CARNS1: variants seen among roughly 807,000 people sequenced by gnomAD.
CARNS1 encodes the protein ATP-grasp domain containing 1.
CARNS1 carries 61 observed loss-of-function variants against 74.0 expected under a neutral mutation model. That is an observed-to-expected ratio of 0.82 (90% CI 0.67 to 1.02). CARNS1 has a LOEUF of 1.02. Ranked by LOEUF, CARNS1 falls within the 50% of genes least tolerant of loss-of-function variation. The pLI, the probability that CARNS1 is intolerant of heterozygous loss-of-function variation, is 0.00. For synonymous variants in CARNS1, 568 were observed against 605.5 expected, an observed-to-expected ratio of 0.94 and a Z score of 0.91; for missense variants, 1,278 against 1,308.4, an observed-to-expected ratio of 0.98 and a Z score of 0.36.
rs757550437 is a variant in CARNS1, at chr11:67,424,195, G to A, written c.2447G>A (p.Arg816His). Residue 816 changes from arginine to histidine, a missense_variant, in exon 10 of 10, where the codon CGC (arginine) becomes CAC (histidine). This residue lies in a region of CARNS1 where 1,164 missense variants were observed against 1,156.5 expected (regional missense o/e 1.01). Transcript: ENST00000687366. ...CCTCGGCTTATCGAGATCAACCCCC[G>A]CATGGGTGGCTTCTACCTGCGTGAT... ...AGPRLIEINP[R>H]MGGFYLRDWI... is the part of the protein sequence containing the mutation. The A allele has an allele frequency of 6.8e-6, 11 of 1,613,838 alleles. No homozygotes were observed. The highest frequency in any genetic ancestry group is 1.6e-4 in the Middle Eastern group (1 of 6,062).
In CARNS1 at chr11:67,423,322, CT is replaced by C. The variant is rs1863750402; in HGVS notation, c.1627-52del. 2 of 1,559,104 alleles carry C rather than the reference CT, an allele frequency of 1.3e-6. No homozygotes were observed. Among genetic ancestry groups the C allele is most frequent in the South Asian group, 1.2e-5 (1 of 81,838 alleles). On this transcript the variant is annotated intron_variant, in intron 9 of 9. Coordinates refer to ENST00000687366, the MANE Select transcript of CARNS1 (RefSeq NM_001166222.2). The surrounding 1 kb of genome is among the most constrained non-coding windows in gnomAD (Gnocchi z 5.1). ...CCATCCTAGGCCCCATCCTATCCCC[CT>C]AGCACCCAGTACTAGCTGACCTGGA...
chr11:67,416,323 A>T (rs924974533), intron 2 of CARNS1, 121 bp downstream of exon 2: 2 of 1,501,392 alleles, frequency 1.3e-6, no homozygotes, highest in African/African-American at 2.8e-5. Flanking sequence ...GACAGCTTAG[A>T]CCCACGACCA....
In CARNS1 at chr11:67,417,530, C is replaced by T. The variant is rs543436747; in HGVS notation, c.127C>T (p.Arg43Cys). 134 of 1,421,438 alleles carry T rather than the reference C, an allele frequency of 9.4e-5. No homozygotes were observed. The highest frequency in any genetic ancestry group is 2.4e-4 in the South Asian group (16 of 67,548). 88.1% of individuals were successfully genotyped at this position (1,421,438 alleles called of 1,614,324 possible). The change falls in exon 3 of 10, where the codon CGC becomes TGC. Residue 43 changes from arginine (R) to cysteine (C), a missense_variant. Coordinates refer to ENST00000687366, the MANE Select transcript of CARNS1 (RefSeq NM_001166222.2). ...CACAGGCTGCTTCCCTGGCTCCTGG[C>T]GCCAGGACGTGGGCCTGGACTGCAA... ...PPTGCFPGSW[R>C]QDVGLDCKGS...
At chr11:67,422,487 G>A (rs1863734189) in intron 9 of CARNS1, among the ~76,000 whole-genome samples, 1 of 152,026 alleles carries the variant, frequency 6.6e-6, no homozygotes, top group African/African-American at 2.4e-5. Context: ...CGGCCTGCCT[G>A]GCTAATTTTA....
chr11:67,417,202 C>G (rs1365402485), intron 2 of CARNS1: 2 of 1,227,950 alleles, frequency 1.6e-6, no homozygotes, highest in East Asian at 6.4e-5. Flanking sequence ...GGGCACCACA[C>G]AGAACAGTTT....
intron 1 of CARNS1, among the ~76,000 whole-genome samples, 154 bp downstream of exon 1, chr11:67,415,917 C>T (rs1863534811): frequency 1.3e-5 from 2 of 151,962 alleles, no homozygotes; most frequent in South Asian, 2.1e-4. Context: ...CCAACTCCCC[C>T]CCGCGCTGGA....
chr11:67,421,166 G>A lies in CARNS1; in HGVS notation c.1573G>A (p.Gly525Ser). 6.7e-7 allele frequency: 1 copy of A among 1,496,782 alleles called. No individual in the cohort carries two copies. Among genetic ancestry groups the A allele is most frequent in the South Asian group, 1.2e-5 (1 of 80,316 alleles). 92.7% of individuals were successfully genotyped at this position (1,496,782 alleles called of 1,614,324 possible). A position where few individuals can be genotyped will look rare whatever the true frequency, so the allele number is the denominator to read the frequency against. ...EGKQLLVVGAGGVSKKFVWEA... is the reference protein window; with the variant it reads ...EGKQLLVVGASGVSKKFVWEA... Reference sequence around the variant, plus strand: ...AAAACAGCTGCTGGTGGTCGGCGCTGGCGGCGTCAGCAAGAAGTTCGTGTG... The same window carrying A: ...AAAACAGCTGCTGGTGGTCGGCGCTAGCGGCGTCAGCAAGAAGTTCGTGTG... The change falls in exon 9 of 10, where the codon GGC becomes AGC. Residue 525 changes from glycine (G) to serine (S), a missense_variant. Physicochemically the swap from Gly to Ser is moderately conservative, Grantham distance 56. Coordinates refer to ENST00000687366, the MANE Select transcript of CARNS1 (RefSeq NM_001166222.2).
intron 2 of CARNS1, 97 bp from the exon 3 acceptor site, chr11:67,417,310 T>C (rs1045999280): frequency 2.4e-6 from 3 of 1,263,610 alleles, no homozygotes; most frequent in South Asian, 2.9e-5. Context: ...GCCCTGAACA[T>C]AGCCCAGGCT....
At position 67,420,740 on chromosome 11, in the gene CARNS1, C is replaced by G; in HGVS notation, c.1245C>G (p.Val415=). ...AGGTGGCGGCTGTGCGGCAGCGCGT[C>G]AAGGCGGCGGCCGAGGCCGCGCTGG... is the stretch of plus-strand genomic sequence containing the variant. ...EAQVAAVRQR[V]KAAAEAALAA... The change falls in exon 8 of 10, where the codon GTC becomes GTG. Residue 415 remains valine (V), a synonymous_variant. Transcript: ENST00000687366. 8.0e-7 allele frequency: 1 copy of G among 1,253,804 alleles called. No individual in the cohort carries two copies. The highest frequency in any genetic ancestry group is 1.0e-6 in the Non-Finnish European group (1 of 1,003,010). 77.7% of individuals were successfully genotyped at this position (1,253,804 alleles called of 1,614,324 possible).
intron 1 of CARNS1, 197 bp from the exon 2 acceptor site, chr11:67,415,979 T>A: frequency 3.6e-6 from 2 of 551,848 alleles, no homozygotes; most frequent in Admixed American, 2.8e-5. Flanking sequence ...TGAGCCGCAC[T>A]GGGGCAGGAG....
Position 67,419,606 on chromosome 11 carries a change from G to T in CARNS1, c.972G>T (p.Glu324Asp). 1 of 1,604,086 alleles carries T rather than the reference G, an allele frequency of 6.2e-7. No homozygotes were observed. The highest frequency in any genetic ancestry group is 1.1e-5 in the South Asian group (1 of 89,514). Residue 324 changes from glutamate to aspartate, a missense_variant, in exon 6 of 10, where the codon GAG becomes GAT. Physicochemically the swap from Glu to Asp is conservative, Grantham distance 45. Transcript: ENST00000687366. ...TGGCGCTGCTGGAGAAGCTGGAGGA[G>T]GAGGAGAGTGTCCTGGTGGAGGCTG... The part of the protein sequence containing the change: ...TVLALLEKLE[E>D]EESVLVEAVY...
rs772319838 is a variant in CARNS1, at chr11:67,419,675, G to T, written c.1027+14G>T. On this transcript the variant is annotated intron_variant, in intron 6 of 9. Transcript: ENST00000687366. ...TGCCCTGCTCAGGTGAGAGCCACCT[G>T]GGCTGACCAGGGATGGGAGTTTGGT... is the stretch of plus-strand genomic sequence containing the variant. 1 of 1,588,652 alleles carries T rather than the reference G, an allele frequency of 6.3e-7. No individual in the cohort carries two copies.
At position 67,416,227 on chromosome 11, in the gene CARNS1, C is replaced by A. The variant is rs531335277; in HGVS notation, c.3+25C>A. The A allele has an allele frequency of 1.2e-4, 187 of 1,537,104 alleles. 1 individual carries two copies. Among genetic ancestry groups the A allele is most frequent in the East Asian group, 7.8e-4 (32 of 40,908 alleles). On this transcript the variant is annotated intron_variant, in intron 2 of 9. Coordinates refer to ENST00000687366, the MANE Select transcript of CARNS1 (RefSeq NM_001166222.2). ...GGTGAGTCTTCTGTGGTCCCTCCCC[C>A]ACAAGGCCCAAGTCCCTGGGCAGAG... is the stretch of plus-strand genomic sequence containing the variant.
chr11:67,416,569 G>GC (rs1863548701), intron 2 of CARNS1: 1 of 1,081,466 alleles, frequency 9.2e-7, no homozygotes, highest in African/African-American at 1.7e-5. Context: ...AGCCTCATCA[G>GC]CCCCCAGGGG....
rs1255912959 is a variant in CARNS1 at position 67,424,569 on chromosome 11, C to A, written c.2821C>A (p.Pro941Thr). 6.2e-7 allele frequency: 1 copy of A among 1,607,206 alleles called. No homozygotes were observed. Among genetic ancestry groups the A allele is most frequent in the South Asian group, 1.1e-5 (1 of 90,228 alleles). ...CCTGGGCATCGATGGGCCCAGCTAC[C>A]CTGTTGCCCACTTCCTGTCTCACTT... ...QGLGIDGPSYPVAHFLSHFK is the reference protein window; with the variant it reads ...QGLGIDGPSYTVAHFLSHFK The change falls in exon 10 of 10, where the codon CCT becomes ACT. Residue 941 changes from proline to threonine, a missense_variant. Around this residue, in one of 3 missense-constraint regions of CARNS1, gnomAD observed 1,164 missense variants for 1,156.5 expected, o/e 1.01. Transcript: ENST00000687366.
At chr11:67,417,254 G>GCCCCCAA (rs1863565534) in intron 2 of CARNS1, 153 bp from the exon 3 acceptor site, 4 of 1,236,290 alleles carry the variant, frequency 3.2e-6, no homozygotes, top group Non-Finnish European at 3.0e-6. Flanking sequence ...ACAAGCCTTC[G>GCCCCCAA]CCCCCAACAC....
intron 8 of CARNS1, 31 bp downstream of exon 8, chr11:67,420,871 G>A (rs1863677465): frequency 4.7e-6 from 6 of 1,287,374 alleles, no homozygotes; most frequent in Non-Finnish European, 5.9e-6. Flanking sequence ...CCGGGGCCGG[G>A]AGCCGAGGGC....
At chr11:67,416,265 G>A in intron 2 of CARNS1, 63 bp downstream of exon 2, 4 of 1,536,698 alleles carry the variant, frequency 2.6e-6, no homozygotes, top group Non-Finnish European at 3.5e-6. Context: ...TGGGCCCAGA[G>A]GACAGCAGGC....
chr11:67,419,079 G>A lies in CARNS1; in HGVS notation c.688G>A (p.Ala230Thr). ...CCAGCAGGGTGGTGTGGCTGTGCCAGCAACCCTGGCTTTCACCTACAAGCC... is the reference window on the plus strand; with the variant it reads ...CCAGCAGGGTGGTGTGGCTGTGCCAACAACCCTGGCTTTCACCTACAAGCC... ...LAQQGGVAVP[A>T]TLAFTYKPPG... Residue 230 changes from alanine (A) to threonine (T), a missense_variant, in exon 5 of 10, where the codon GCA becomes ACA. This residue lies in a region of CARNS1 where 1,164 missense variants were observed against 1,156.5 expected (regional missense o/e 1.01). Coordinates refer to ENST00000687366, the MANE Select transcript of CARNS1 (RefSeq NM_001166222.2). The A allele has an allele frequency of 6.4e-7, 1 of 1,565,034 alleles. No individual in the cohort carries two copies. The highest frequency in any genetic ancestry group is 8.7e-7 in the Non-Finnish European group (1 of 1,155,818).
Sources: allele counts gnomAD v4.1 joint callset (sites outside exome capture counted in the v4.1 genomes callset), GRCh38; gene constraint gnomAD v4.1.1; regional missense constraint gnomAD v4.1.1; non-coding constraint Gnocchi (gnomAD v3.1); transcripts MANE v1.5; gene names NCBI Gene and HGNC (gene_info 2026-07-23, HGNC 2026-07-21).